The following CSMD3 variants were observed in gnomAD, a reference collection of about 807,000 sequenced individuals.
The protein encoded by CSMD3 is CUB and sushi domain-containing protein 3.
CSMD3 carries 177 observed loss-of-function variants against 435.2 expected under a neutral mutation model. That is an observed-to-expected ratio of 0.41 (90% CI 0.36 to 0.46). The LOEUF (loss-of-function observed/expected upper bound fraction) is 0.46. Ranked by LOEUF, CSMD3 falls within the 20% of genes least tolerant of loss-of-function variation. The probability of loss-of-function intolerance (pLI) is 0.34; values close to 1 mark genes in which losing one functional copy is unlikely to be tolerated. For missense variants in CSMD3, 4,265 were observed against 4,504.6 expected, an observed-to-expected ratio of 0.95 and a Z score of 1.52; for synonymous variants, 1,656 against 1,520.5, an observed-to-expected ratio of 1.09 and a Z score of -2.07.
chr8:112,289,547 C>T lies in CSMD3; in HGVS notation c.8975-9G>A, dbSNP rs2130658343. 6.4e-7 allele frequency: 1 copy of T among 1,566,498 alleles called. No individual in the cohort carries two copies. Among genetic ancestry groups the T allele is most frequent in the Non-Finnish European group, 8.7e-7 (1 of 1,150,476 alleles). ...GTGTCCACAGTCAATCACTACAATA[C>T]ATAATTATTAAATATAAAATTTTTT... On this transcript the variant is annotated splice_polypyrimidine_tract_variant and intron_variant, in intron 56 of 70. Coordinates refer to ENST00000297405, the MANE Select transcript of CSMD3 (RefSeq NM_198123.2).
chr8:113,244,405 A>C (rs757740097), intron 3 of CSMD3, among the ~76,000 whole-genome samples: 35 of 152,174 alleles, frequency 2.3e-4, no homozygotes, highest in Non-Finnish European at 3.8e-4. Flanking sequence ...TACCTCTGCC[A>C]CCTGGGTTCA....
chr8:112,841,791 A>G (rs1267205136), intron 11 of CSMD3, among the ~76,000 whole-genome samples: 1 of 151,794 alleles, frequency 6.6e-6, no homozygotes, highest in Non-Finnish European at 1.5e-5. Flanking sequence ...AAAAAGGTGG[A>G]ACTACTACAT....
At chr8:113,315,729 AT>A (rs904759575) in intron 1 of CSMD3, among the ~76,000 whole-genome samples, 20 of 149,260 alleles carry the variant, frequency 1.3e-4, no homozygotes, top group Non-Finnish European at 2.5e-4. Context: ...TTAAATATAT[AT>A]TTTTTTGAGA....
At position 113,176,792 on chromosome 8, in the gene CSMD3, G is replaced by T. The variant is rs1018272389; in HGVS notation, c.515-2876C>A. Among the ~76,000 whole-genome samples the T allele has an allele frequency of 4.6e-5, 7 of 151,698 alleles. No individual in the cohort carries two copies. In the South Asian group the frequency reaches 1.0e-3, roughly 22 times the overall value. ...GTATTAGGGAAAAGAGCTAATGCAT[G>T]CTGGGCTCAATATCTAGGTGATGGG... On this transcript the variant is annotated intron_variant, in intron 3 of 70. Coordinates refer to ENST00000297405, the MANE Select transcript of CSMD3 (RefSeq NM_198123.2).
intron 13 of CSMD3, among the ~76,000 whole-genome samples, chr8:112,714,902 A>G (rs2076690483): frequency 6.6e-6 from 1 of 152,176 alleles, no homozygotes; most frequent in African/African-American, 2.4e-5. Flanking sequence ...ACATACCAGA[A>G]TCTCTGGGAC....
At chr8:113,027,588 T>C (rs1381461070) in intron 5 of CSMD3, among the ~76,000 whole-genome samples, 5 of 152,230 alleles carry the variant, frequency 3.3e-5, no homozygotes, top group Admixed American at 2.6e-4. Context: ...TTCTGCATGG[T>C]TTAAAAAATA....
intron 3 of CSMD3, among the ~76,000 whole-genome samples, chr8:113,216,232 T>G (rs550861021): frequency 6.6e-6 from 1 of 152,034 alleles, no homozygotes; most frequent in African/African-American, 2.4e-5. Context: ...AAGTGTTGTC[T>G]AACAATGATG....
chr8:112,902,101 T>C (rs1332912102), intron 10 of CSMD3, among the ~76,000 whole-genome samples: 1 of 151,324 alleles, frequency 6.6e-6, no homozygotes, highest in Non-Finnish European at 1.5e-5. Context: ...CCTTGATGAC[T>C]TTTTTGAGCT....
At chr8:112,880,246 T>C (rs1356182702) in intron 10 of CSMD3, among the ~76,000 whole-genome samples, 1 of 152,072 alleles carries the variant, frequency 6.6e-6, no homozygotes, top group East Asian at 1.9e-4. Flanking sequence ...ATATTGATGA[T>C]CTGTTACAAT....
intron 32 of CSMD3, among the ~76,000 whole-genome samples, chr8:112,434,822 A>G (rs376532799): frequency 4.7e-4 from 72 of 152,240 alleles, no homozygotes; most frequent in African/African-American, 1.5e-3. Flanking sequence ...TACACACAAA[A>G]CTTGTATCCA....
At chr8:112,677,685 G>A (rs1417290225) in intron 16 of CSMD3, among the ~76,000 whole-genome samples, 1 of 151,926 alleles carries the variant, frequency 6.6e-6, no homozygotes, top group Non-Finnish European at 1.5e-5. Context: ...TTCAAGATAT[G>A]ATGTTCCAGC....
intron 2 of CSMD3, among the ~76,000 whole-genome samples, chr8:113,284,756 T>G (rs1267153645): frequency 1.3e-5 from 2 of 152,202 alleles, no homozygotes; most frequent in African/African-American, 4.8e-5. Flanking sequence ...GTACTGGTTT[T>G]GATATTTGTA....
intron 12 of CSMD3, among the ~76,000 whole-genome samples, chr8:112,821,383 GTATCTC>G (rs973843295): frequency 6.6e-6 from 1 of 151,548 alleles, no homozygotes; most frequent in Non-Finnish European, 1.5e-5. Flanking sequence ...GTTTTGATTT[GTATCTC>G]TATAATGATC....
intron 22 of CSMD3, among the ~76,000 whole-genome samples, chr8:112,594,332 C>T (rs921210188): frequency 9.8e-5 from 15 of 152,298 alleles, no homozygotes; most frequent in East Asian, 1.9e-4. Flanking sequence ...CGGCGCACCA[C>T]GAGATTATAT....
At chr8:112,994,686 G>A (rs1457968581) in intron 6 of CSMD3, among the ~76,000 whole-genome samples, 1 of 151,448 alleles carries the variant, frequency 6.6e-6, no homozygotes, top group Non-Finnish European at 1.5e-5. Context: ...AATGCTTTTT[G>A]TTCTATACTA....
intron 13 of CSMD3, among the ~76,000 whole-genome samples, chr8:112,784,941 G>A (rs1300757762): frequency 6.6e-6 from 1 of 151,840 alleles, no homozygotes; most frequent in African/African-American, 2.4e-5. Context: ...ATATCAAAAC[G>A]AGACAAAGAC....
At chr8:113,104,347 G>T (rs1335053003) in intron 4 of CSMD3, among the ~76,000 whole-genome samples, 1 of 152,050 alleles carries the variant, frequency 6.6e-6, no homozygotes, top group Non-Finnish European at 1.5e-5. Flanking sequence ...TGACATCTAT[G>T]TGAGGCTTTT....
chr8:113,045,551 A>C (rs2087793518), intron 5 of CSMD3, among the ~76,000 whole-genome samples: 1 of 148,844 alleles, frequency 6.7e-6, no homozygotes, highest in African/African-American at 2.4e-5. Flanking sequence ...TAATTCAAAC[A>C]AAAAAAATAA....
chr8:112,316,514 A>C (rs1010214817), intron 47 of CSMD3, among the ~76,000 whole-genome samples: 1 of 151,818 alleles, frequency 6.6e-6, no homozygotes, highest in African/African-American at 2.4e-5. Context: ...ACAATACACA[A>C]ATTAATCTAT....
Sources: allele counts gnomAD v4.1 joint callset (sites outside exome capture counted in the v4.1 genomes callset), GRCh38; gene constraint gnomAD v4.1.1; transcripts MANE v1.5; gene names NCBI Gene and HGNC (gene_info 2026-07-23, HGNC 2026-07-21).